The following ANKS1A variants were observed in gnomAD, a reference collection of about 807,000 sequenced individuals.
ANKS1A encodes the protein ankyrin repeat and SAM domain-containing protein 1A.
ANKS1A carries 55 observed loss-of-function variants against 120.3 expected under a neutral mutation model. That is an observed-to-expected ratio of 0.46 (90% CI 0.37 to 0.57). The LOEUF is 0.57. ANKS1A is among the 20% of genes least tolerant of loss of function. The pLI is 0.00. For synonymous variants in ANKS1A, 590 were observed against 604.7 expected, an observed-to-expected ratio of 0.98 and a Z score of 0.36; for missense variants, 1,123 against 1,480.3, an observed-to-expected ratio of 0.76 and a Z score of 3.96.
intron 23 of ANKS1A, among the ~76,000 whole-genome samples, 164 bp downstream of exon 23, chr6:35,087,213 TAGACGCTG>T (rs1778040742): frequency 3.6e-5 from 2 of 55,068 alleles, no homozygotes; most frequent in Non-Finnish European, 5.8e-5. Context: ...GGCGGCAGCG[TAGACGCTG>T]TACACTTGCA....
In ANKS1A at chr6:35,091,053, G is replaced by GTCT; in HGVS notation, c.*2446_*2448dup. On this transcript the variant is annotated 3_prime_UTR_variant, in exon 24 of 24. Transcript: ENST00000360359. ...TAGAAAACCAGTCTGAATTGGGTCT[G>GTCT]TCTTTGAGATGCCCAGGCCAGCAGA... 5 of 985,942 alleles carry GTCT rather than the reference G, an allele frequency of 5.1e-6. No individual in the cohort carries two copies. The highest frequency in any genetic ancestry group is 6.0e-6 in the Non-Finnish European group (5 of 829,968). The allele number at this position is 985,942 out of a possible 1,614,324, so 61.1% of individuals were successfully genotyped here.
At chr6:34,977,647 A>G (rs773377433) in intron 3 of ANKS1A, among the ~76,000 whole-genome samples, 1 of 150,674 alleles carries the variant, frequency 6.6e-6, no homozygotes, top group Non-Finnish European at 1.5e-5. Context: ...TAAACCTTCC[A>G]TTTTTTTTTG....
chr6:34,953,562 T>A (rs1042463392), intron 1 of ANKS1A, among the ~76,000 whole-genome samples: 1 of 152,346 alleles, frequency 6.6e-6, no homozygotes, highest in African/African-American at 2.4e-5. Flanking sequence ...TTGCTTCCCT[T>A]TTTCTTGCTA....
chr6:35,062,246 C>A lies in ANKS1A; in HGVS notation c.2184+1993C>A, dbSNP rs551161757. 2.6e-5 allele frequency among the ~76,000 whole-genome samples: 4 copies of A among 152,340 alleles called. No homozygotes were observed. In the East Asian group the frequency reaches 5.8e-4, roughly 22 times the overall value. Reference sequence around the variant, plus strand: ...CAGGTGGAGTCTATACAAGAAGGAACGTCGAGCACCCCTCGGGTGAGCCGG... The same window carrying A: ...CAGGTGGAGTCTATACAAGAAGGAAAGTCGAGCACCCCTCGGGTGAGCCGG... On this transcript the variant is annotated intron_variant, in intron 13 of 23. Coordinates refer to ENST00000360359, the MANE Select transcript of ANKS1A (RefSeq NM_015245.3).
chr6:34,983,559 ATTT>A, intron 7 of ANKS1A, 134 bp downstream of exon 7: 1 of 758,714 alleles, frequency 1.3e-6, no homozygotes, highest in African/African-American at 1.8e-5. Flanking sequence ...TATTCAGTTC[ATTT>A]TTTGCCAACT....
chr6:35,090,633 CTTTCT>C lies in ANKS1A; in HGVS notation c.*2031_*2035del. The C allele has an allele frequency of 1.0e-6, 1 of 991,546 alleles. No individual in the cohort carries two copies. The highest frequency in any genetic ancestry group is 1.2e-6 in the Non-Finnish European group (1 of 833,792). 61.4% of individuals were successfully genotyped at this position (991,546 alleles called of 1,614,324 possible). A position where few individuals can be genotyped will look rare whatever the true frequency, so the allele number is the denominator to read the frequency against. On this transcript the variant is annotated 3_prime_UTR_variant, in exon 24 of 24. Transcript: ENST00000360359. Reference sequence around the variant, plus strand: ...AAGAAAGGAAAATGACTGGGCCTTTCTTTCTTTTCTTCTCCTCTGGGATGGGTAGT... The same window carrying C: ...AAGAAAGGAAAATGACTGGGCCTTTCTTTCTTCTCCTCTGGGATGGGTAGT...
chr6:34,903,347 CTT>C (rs148365667), intron 1 of ANKS1A, among the ~76,000 whole-genome samples: 2 of 145,102 alleles, frequency 1.4e-5, no homozygotes, highest in African/African-American at 2.5e-5. Context: ...TGTAGAAAAA[CTT>C]TTTTTTTTTT....
At chr6:34,933,185 G>A (rs1769075265) in intron 1 of ANKS1A, among the ~76,000 whole-genome samples, 1 of 152,176 alleles carries the variant, frequency 6.6e-6, no homozygotes, top group Non-Finnish European at 1.5e-5. Flanking sequence ...CTGTTGTTGA[G>A]TTGTATGAGT....
intron 1 of ANKS1A, among the ~76,000 whole-genome samples, chr6:34,949,996 TTCTCTCTCTGGAC>T (rs958653614): frequency 6.6e-6 from 1 of 152,200 alleles, no homozygotes; most frequent in African/African-American, 2.4e-5. Flanking sequence ...CCAGAACGCT[TTCTCTCTCTGGAC>T]TAGATCTGGC....
At chr6:34,938,228 C>A (rs1321773633) in intron 1 of ANKS1A, among the ~76,000 whole-genome samples, 2 of 152,170 alleles carry the variant, frequency 1.3e-5, no homozygotes, top group Non-Finnish European at 2.9e-5. Context: ...AGGCATCAAG[C>A]AAATTGGGAA....
intron 11 of ANKS1A, among the ~76,000 whole-genome samples, chr6:35,048,345 G>T (rs1328510236): frequency 1.3e-5 from 2 of 152,192 alleles, no homozygotes; most frequent in Admixed American, 6.5e-5. Flanking sequence ...CTGAAGTGGA[G>T]ACTGAGCCCG....
At chr6:35,045,569 C>A (rs1421056962) in intron 11 of ANKS1A, among the ~76,000 whole-genome samples, 1 of 152,198 alleles carries the variant, frequency 6.6e-6, no homozygotes, top group Non-Finnish European at 1.5e-5. Context: ...CCAGTACATT[C>A]GAAATCCTAT....
chr6:34,985,000 G>A, intron 7 of ANKS1A, 82 bp from the exon 8 acceptor site: 1 of 1,354,450 alleles, frequency 7.4e-7, no homozygotes, highest in Non-Finnish European at 1.0e-6. Flanking sequence ...GGTGACTAAA[G>A]AGGCTTTGGG....
At chr6:34,943,233 G>A (rs909878779) in intron 1 of ANKS1A, among the ~76,000 whole-genome samples, 5 of 152,176 alleles carry the variant, frequency 3.3e-5, no homozygotes, top group Non-Finnish European at 5.9e-5. Flanking sequence ...GGGATTACAG[G>A]TGTGAACCAC....
rs577458040 is a variant in ANKS1A at position 34,965,848 on chromosome 6, G to C, written c.198-1391G>C. Among the ~76,000 whole-genome samples, 4 of 151,960 alleles carry C rather than the reference G, an allele frequency of 2.6e-5. No homozygotes were observed. The South Asian group carries it at 8.3e-4, about 32-fold the overall frequency. On this transcript the variant is annotated intron_variant, in intron 1 of 23. Transcript: ENST00000360359. ...TGCAATCTCTGACTCCTGGATTCAAGCAATTCTTCTGCCTCATCCTCCCGA... is the reference window on the plus strand; with the variant it reads ...TGCAATCTCTGACTCCTGGATTCAACCAATTCTTCTGCCTCATCCTCCCGA...
At chr6:34,937,621 T>A (rs1399468874) in intron 1 of ANKS1A, among the ~76,000 whole-genome samples, 1 of 152,024 alleles carries the variant, frequency 6.6e-6, no homozygotes, top group Non-Finnish European at 1.5e-5. Context: ...CTGTGCTGGT[T>A]TAGAGAATGG....
rs1470975094 is a variant in ANKS1A at position 35,086,324 on chromosome 6, C to A, written c.3303+388C>A. 3.1e-6 allele frequency: 4 copies of A among 1,303,294 alleles called. No individual in the cohort carries two copies. Among genetic ancestry groups the A allele is most frequent in the Non-Finnish European group, 4.0e-6 (4 of 998,448 alleles). 80.7% of individuals were successfully genotyped at this position (1,303,294 alleles called of 1,614,324 possible). On this transcript the variant is annotated intron_variant, in intron 22 of 23. Transcript: ENST00000360359. This position sits in a 1 kb window ranked among gnomAD's most constrained non-coding sequence, Gnocchi z 5.1. ...TTACTGTCACACCTGCACCACCCAC[C>A]GTCCTTCCTACCTACCGCTGCCATC...
rs766607534 is a variant in ANKS1A, at chr6:35,081,130, C to T, written c.2681C>T (p.Pro894Leu). 137 of 1,612,724 alleles carry T rather than the reference C, an allele frequency of 8.5e-5. 3 individuals carry two copies. The highest frequency in any genetic ancestry group is 7.4e-4 in the South Asian group (67 of 91,034). The change falls in exon 17 of 24, where the codon CCC becomes CTC. Residue 894 changes from proline to leucine, a missense_variant. This residue lies in a region of ANKS1A where 904 missense variants were observed against 1,130.4 expected (regional missense o/e 0.80). Coordinates refer to ENST00000360359, the MANE Select transcript of ANKS1A (RefSeq NM_015245.3). ...RHDSLHDPAAPSRAERFRIQE... is the reference protein window; with the variant it reads ...RHDSLHDPAALSRAERFRIQE... ...GACAGTCTCCATGACCCTGCGGCAC[C>T]CTCCCGAGCGGAGCGCTTCAGGATC...
chr6:35,006,749 C>T (rs867886385), intron 10 of ANKS1A, among the ~76,000 whole-genome samples: 7 of 151,906 alleles, frequency 4.6e-5, no homozygotes, highest in African/African-American at 1.5e-4. Context: ...AGCGAGACTC[C>T]GTCTCAAAAA....
Sources: allele counts gnomAD v4.1 joint callset (sites outside exome capture counted in the v4.1 genomes callset), GRCh38; gene constraint gnomAD v4.1.1; regional missense constraint gnomAD v4.1.1; non-coding constraint Gnocchi (gnomAD v3.1); transcripts MANE v1.5; gene names NCBI Gene and HGNC (gene_info 2026-07-23, HGNC 2026-07-21).